The following LUZP2 variants were observed in gnomAD, a reference collection of about 807,000 sequenced individuals.
LUZP2 encodes leucine zipper protein 2.
Under a neutral mutation model 51.6 loss-of-function variants are expected in LUZP2, and 52 were observed. The ratio of observed to expected loss-of-function variants is 1.01; its 90% CI spans 0.81 to 1.27. The LOEUF is 1.27. Among genes scored for constraint, LUZP2 ranks in the 50% most tolerant of loss-of-function variants. The pLI, the probability that LUZP2 is intolerant of heterozygous loss-of-function variation, is 0.00. For synonymous variants in LUZP2, 154 were observed against 137.3 expected (o/e 1.12, Z -0.85); for missense variants, 436 against 395.4 (o/e 1.10, Z -0.87).
At chr11:25,013,978 C>A (rs1256768670) in intron 9 of LUZP2, among the ~76,000 whole-genome samples, 1 of 151,982 alleles carries the variant, frequency 6.6e-6, no homozygotes, top group Non-Finnish European at 1.5e-5. Context: ...CAATTCCCAC[C>A]TATGAGTGAG....
intron 7 of LUZP2, among the ~76,000 whole-genome samples, chr11:24,914,878 A>G (rs930239105): frequency 6.6e-6 from 1 of 152,100 alleles, no homozygotes; most frequent in South Asian, 2.1e-4. Flanking sequence ...TTTTAAATTT[A>G]TTTTTCAAAT....
chr11:24,616,815 C>T (rs1484253014), intron 1 of LUZP2, among the ~76,000 whole-genome samples: 2 of 152,068 alleles, frequency 1.3e-5, no homozygotes, highest in African/African-American at 4.8e-5. Flanking sequence ...GCAGGTCTAC[C>T]TCTATAAAAA....
chr11:24,796,856 C>T (rs1474604259), intron 5 of LUZP2, among the ~76,000 whole-genome samples: 1 of 151,948 alleles, frequency 6.6e-6, no homozygotes, highest in African/African-American at 2.4e-5. Context: ...AAAATAAATC[C>T]TCCTCATTAA....
At chr11:24,834,736 C>G (rs1410640137) in intron 5 of LUZP2, among the ~76,000 whole-genome samples, 3 of 152,184 alleles carry the variant, frequency 2.0e-5, no homozygotes, top group Non-Finnish European at 2.9e-5. Flanking sequence ...TCCTATTTCT[C>G]TACAGCCTTG....
intron 1 of LUZP2, among the ~76,000 whole-genome samples, chr11:24,658,107 A>C (rs996685860): frequency 6.6e-6 from 1 of 152,190 alleles, no homozygotes; most frequent in Non-Finnish European, 1.5e-5. Context: ...AAAAGAGCCC[A>C]CATTGCCAAG....
chr11:24,906,684 A>G (rs543299985), intron 6 of LUZP2, among the ~76,000 whole-genome samples: 1 of 152,318 alleles, frequency 6.6e-6, no homozygotes, highest in Non-Finnish European at 1.5e-5. Context: ...TGATACTGTC[A>G]TGATAAGTGA....
chr11:24,921,049 A>G (rs1215495866), intron 7 of LUZP2, among the ~76,000 whole-genome samples: 1 of 152,172 alleles, frequency 6.6e-6, no homozygotes, highest in Non-Finnish European at 1.5e-5. Context: ...TGTATTAGGT[A>G]TTAATATGGC....
intron 1 of LUZP2, among the ~76,000 whole-genome samples, chr11:24,691,675 A>C (rs1191394424): frequency 6.6e-6 from 1 of 152,226 alleles, no homozygotes; most frequent in Middle Eastern, 3.4e-3. Context: ...AAGAGCAAAG[A>C]GTACCATTGT....
rs1859434857 is a variant in LUZP2, at chr11:25,080,565, G to A, written c.*1907G>A. 6.6e-6 allele frequency: 1 copy of A among 152,092 alleles called. No homozygotes were observed. Among genetic ancestry groups the A allele is most frequent in the African/African-American group, 2.4e-5 (1 of 41,408 alleles). The allele number at this position is 152,092 out of a possible 1,614,324, so 9.4% of individuals were successfully genotyped here. A position where few individuals can be genotyped will look rare whatever the true frequency, so the allele number is the denominator to read the frequency against. ...ATAAAATAAAAGATGAAGGTCTGAG[G>A]TTTCTTCTGACTCCTTCATATTTCT... On this transcript the variant is annotated 3_prime_UTR_variant, in exon 12 of 12. Coordinates refer to ENST00000336930, the MANE Select transcript of LUZP2 (RefSeq NM_001009909.4).
intron 1 of LUZP2, among the ~76,000 whole-genome samples, chr11:24,579,114 G>T (rs1205059389): frequency 6.6e-6 from 1 of 151,948 alleles, no homozygotes; most frequent in African/African-American, 2.4e-5. Context: ...GTTTGAAAAA[G>T]ATGCATATTC....
intron 10 of LUZP2, among the ~76,000 whole-genome samples, chr11:25,075,813 A>G (rs188354673): frequency 2.4e-4 from 37 of 152,238 alleles, no homozygotes; most frequent in South Asian, 2.3e-3. Flanking sequence ...GGAGCATAAA[A>G]AATAACCTTT....
intron 1 of LUZP2, among the ~76,000 whole-genome samples, chr11:24,699,972 C>A (rs184381894): frequency 2.0e-5 from 3 of 148,834 alleles, no homozygotes; most frequent in Non-Finnish European, 4.5e-5. Flanking sequence ...GAGCCAGGAA[C>A]AATTTTACTT....
At chr11:24,653,399 G>T (rs1207704667) in intron 1 of LUZP2, among the ~76,000 whole-genome samples, 1 of 152,148 alleles carries the variant, frequency 6.6e-6, no homozygotes, top group East Asian at 1.9e-4. Context: ...GGACTGTTGA[G>T]GGAAAAGCAG....
chr11:24,552,917 T>C (rs1851761830), intron 1 of LUZP2, among the ~76,000 whole-genome samples: 1 of 151,314 alleles, frequency 6.6e-6, no homozygotes, highest in Non-Finnish European at 1.5e-5. Context: ...TACTTTATTT[T>C]AAATTATAAA....
intron 5 of LUZP2, among the ~76,000 whole-genome samples, chr11:24,771,495 A>G (rs1202473125): frequency 6.6e-6 from 1 of 150,382 alleles, no homozygotes; most frequent in Non-Finnish European, 1.5e-5. Flanking sequence ...AGCACATCAT[A>G]GTTCACATTT....
At chr11:24,884,729 C>G (rs1458663334) in intron 5 of LUZP2, among the ~76,000 whole-genome samples, 2 of 151,994 alleles carry the variant, frequency 1.3e-5, no homozygotes, top group Non-Finnish European at 2.9e-5. Flanking sequence ...TTGCCCAACT[C>G]CTTTACACAT....
At chr11:25,050,398 G>A (rs1051582632) in intron 10 of LUZP2, among the ~76,000 whole-genome samples, 5 of 134,972 alleles carry the variant, frequency 3.7e-5, no homozygotes, top group Non-Finnish European at 6.2e-5. Context: ...GCCGCCTCCC[G>A]GGTTCACGCC....
intron 1 of LUZP2, among the ~76,000 whole-genome samples, chr11:24,649,597 C>T (rs1255863048): frequency 6.6e-6 from 1 of 151,854 alleles, no homozygotes; most frequent in Non-Finnish European, 1.5e-5. Context: ...TTCGAAGAGT[C>T]ACTAATATAT....
intron 4 of LUZP2, among the ~76,000 whole-genome samples, chr11:24,745,704 G>T (rs959067623): frequency 6.6e-6 from 1 of 151,736 alleles, no homozygotes; most frequent in African/African-American, 2.4e-5. Context: ...TTGAGATGGA[G>T]TCTTGCTCTG....
Sources: allele counts gnomAD v4.1 joint callset (sites outside exome capture counted in the v4.1 genomes callset), GRCh38; gene constraint gnomAD v4.1.1; transcripts MANE v1.5; gene names NCBI Gene and HGNC (gene_info 2026-07-23, HGNC 2026-07-21).